Variants in LEPR observed in about 807,000 individuals in gnomAD.
The protein encoded by LEPR is OB receptor.
LEPR carries 56 observed loss-of-function variants against 114.7 expected under a neutral mutation model. The observed-to-expected ratio is 0.49, with a 90% CI of 0.39 to 0.61. LEPR has a LOEUF of 0.61. Among genes scored for constraint, LEPR ranks in the 20% least tolerant of loss-of-function variants. The pLI is 0.00. For missense variants in LEPR, 1,202 were observed against 1,352.9 expected, an observed-to-expected ratio of 0.89 and a Z score of 1.75; for synonymous variants, 443 against 461.4, an observed-to-expected ratio of 0.96 and a Z score of 0.51.
At chr1:65,524,389 C>T (rs1159992626) in intron 2 of LEPR, among the ~76,000 whole-genome samples, 1 of 152,144 alleles carries the variant, frequency 6.6e-6, no homozygotes, top group Non-Finnish European at 1.5e-5. Context: ...CCATTTAGTA[C>T]ACAAATATGA....
At chr1:65,535,259 A>G (rs1362252565) in intron 2 of LEPR, among the ~76,000 whole-genome samples, 1 of 151,450 alleles carries the variant, frequency 6.6e-6, no homozygotes, top group Non-Finnish European at 1.5e-5. Context: ...GAATTATGGT[A>G]TACTTATCAT....
chr1:65,581,027 C>T (rs561212827), intron 5 of LEPR, among the ~76,000 whole-genome samples: 32 of 152,130 alleles, frequency 2.1e-4, no homozygotes, highest in Non-Finnish European at 3.2e-4. Context: ...CTACTAACAC[C>T]TACTTTACTT....
intron 2 of LEPR, among the ~76,000 whole-genome samples, chr1:65,507,360 A>G (rs1648783922): frequency 6.6e-6 from 1 of 151,332 alleles, no homozygotes; most frequent in African/African-American, 2.4e-5. Flanking sequence ...TGCTTATTTC[A>G]CTTAACATAA....
chr1:65,511,639 C>T (rs1271816507), intron 2 of LEPR, among the ~76,000 whole-genome samples: 1 of 152,166 alleles, frequency 6.6e-6, no homozygotes, highest in African/African-American at 2.4e-5. Flanking sequence ...TAAAAAATTT[C>T]ACATTCCAAT....
chr1:65,584,033 A>G (rs1003819535), intron 5 of LEPR, among the ~76,000 whole-genome samples: 4 of 152,158 alleles, frequency 2.6e-5, no homozygotes, highest in African/African-American at 9.6e-5. Flanking sequence ...TGTGCAGCCC[A>G]TAGTGCTAGG....
intron 2 of LEPR, among the ~76,000 whole-genome samples, chr1:65,519,855 T>TTTTTG (rs1257975266): frequency 2.0e-5 from 3 of 151,802 alleles, no homozygotes; most frequent in African/African-American, 4.8e-5. Context: ...AAAAATGTTT[T>TTTTTG]TTTTGTTTTG....
chr1:65,618,349 A>G (rs554536422), intron 16 of LEPR, among the ~76,000 whole-genome samples: 1 of 143,874 alleles, frequency 7.0e-6, no homozygotes, highest in South Asian at 2.2e-4. Flanking sequence ...TCTTTTCGGC[A>G]GGGTCTCTCT....
chr1:65,436,775 G>T (rs1257541821), intron 2 of LEPR, among the ~76,000 whole-genome samples: 3 of 152,156 alleles, frequency 2.0e-5, no homozygotes, highest in African/African-American at 7.2e-5. Flanking sequence ...ACACACTTCG[G>T]AATGAATGAC....
intron 19 of LEPR, among the ~76,000 whole-genome samples, chr1:65,624,709 CA>C (rs1439524930): frequency 6.6e-6 from 1 of 152,140 alleles, no homozygotes; most frequent in Non-Finnish European, 1.5e-5. Flanking sequence ...ATGCTGGTTG[CA>C]AGACACTAAA....
chr1:65,605,235 TG>T lies in LEPR; in HGVS notation c.1603+1del. ...CCAACATGTGTCCTTCCTGATTCTG[TG>T]GGTATGTCAAGCTGCGTTGTGTCTT... Reference protein sequence around the residue: ...SPPTCVLPDSVVKPLPPSSVK... With the variant: ...SPPTCVLPDSXVKPLPPSSVK... On this transcript the variant is annotated frameshift_variant and splice_region_variant, in exon 11 of 20. Transcript: ENST00000349533. LOFTEE classifies it high-confidence loss of function. The T allele has an allele frequency of 6.2e-7, 1 of 1,614,112 alleles. No individual in the cohort carries two copies.
intron 2 of LEPR, among the ~76,000 whole-genome samples, chr1:65,549,813 C>T (rs760949668): frequency 2.0e-5 from 3 of 152,184 alleles, no homozygotes; most frequent in African/African-American, 4.8e-5. Context: ...TCTCTCACCT[C>T]GTCAAAGTCA....
At chr1:65,615,672 T>C (rs11208688) in intron 14 of LEPR, among the ~76,000 whole-genome samples, 31,883 of 152,142 alleles carry the variant, frequency 0.21, 4,514 homozygotes, top group East Asian at 0.77. Context: ...TTCATTTCTC[T>C]AAAATTAGAG....
chr1:65,591,352 C>T (rs773564867), intron 5 of LEPR, among the ~76,000 whole-genome samples: 10 of 152,022 alleles, frequency 6.6e-5, no homozygotes, highest in Non-Finnish European at 1.0e-4. Context: ...GCGTTGTTCA[C>T]GTTTTTATCC....
rs763024512 is a variant in LEPR, at chr1:65,518,873, T to TTCTCTTTC, written c.-20-46672_-20-46671insCTCTTTCT. 8.5e-5 allele frequency among the ~76,000 whole-genome samples: 10 copies of TTCTCTTTC among 117,322 alleles called. No individual in the cohort carries two copies. The East Asian group carries it at 2.3e-3, about 27-fold the overall frequency. The allele number at this position is 117,322 out of a possible 152,430, so 77.0% of individuals were successfully genotyped here. A position where few individuals can be genotyped will look rare whatever the true frequency, so the allele number is the denominator to read the frequency against. ...TTTTCTCTTTTCTTTCTTTCTTTCT[T>TTCTCTTTC]TTTCTTTCTTTCTTTCTTTCTTTCT... On this transcript the variant is annotated intron_variant, in intron 2 of 19. Transcript: ENST00000349533.
intron 14 of LEPR, among the ~76,000 whole-genome samples, chr1:65,610,696 A>G (rs1237870330): frequency 6.6e-6 from 1 of 152,198 alleles, no homozygotes; most frequent in Non-Finnish European, 1.5e-5. Context: ...AGGGCATCTA[A>G]CACATGACAG....
rs116393253 is a variant in LEPR, at chr1:65,571,729, G to A, written c.371-597G>A. ...TAGCATTTAGGAGGCCTAGGCGGGC[G>A]GATCACTTGAGCTCAGGAGTTAGAG... is the stretch of plus-strand genomic sequence containing the variant. On this transcript the variant is annotated intron_variant, in intron 4 of 19. Transcript: ENST00000349533. Among the ~76,000 whole-genome samples the A allele has an allele frequency of 9.8e-3, 1,431 of 146,280 alleles. 29 individuals carry two copies. Among genetic ancestry groups the A allele is most frequent in the African/African-American group, 0.035 (1,371 of 39,296 alleles).
intron 2 of LEPR, among the ~76,000 whole-genome samples, chr1:65,518,187 C>G (rs1557635608): frequency 6.6e-6 from 1 of 152,164 alleles, no homozygotes; most frequent in Non-Finnish European, 1.5e-5. Flanking sequence ...GGTCCAATAG[C>G]TTTCTTTTGT....
Position 65,610,278 on chromosome 1 carries a change from T to C in LEPR, c.1977T>C (p.Asn659=), listed in dbSNP as rs1570810732. 5 of 1,613,176 alleles carry C rather than the reference T, an allele frequency of 3.1e-6. No individual in the cohort carries two copies. Among genetic ancestry groups the C allele is most frequent in the East Asian group, 4.5e-5 (2 of 44,862 alleles). Residue 659 remains asparagine (N), a synonymous_variant, in exon 14 of 20, where the codon AAT becomes AAC. Transcript: ENST00000349533. Reference sequence around the variant, plus strand: ...GAGATACTATGAAAAAGGAGAAAAATGTCACTTTACTTTGGAAGGTATTCC... The same window carrying C: ...GAGATACTATGAAAAAGGAGAAAAACGTCACTTTACTTTGGAAGGTATTCC... The part of the protein sequence containing the change: ...INGDTMKKEK[N]VTLLWKPLMK...
chr1:65,480,157 A>G (rs1647205045), intron 2 of LEPR, among the ~76,000 whole-genome samples: 2 of 152,178 alleles, frequency 1.3e-5, no homozygotes, highest in African/African-American at 4.8e-5. Context: ...TACCTATTGA[A>G]AACCTGGAGC....
Sources: gnomAD v4.1 joint callset for allele counts (sites outside exome capture counted in the v4.1 genomes callset) on GRCh38, gnomAD v4.1.1 for gene constraint, MANE v1.5 for transcripts, NCBI Gene and HGNC (gene_info 2026-07-23, HGNC 2026-07-21) for gene names.